Variants in SNX27 observed in about 807,000 individuals in gnomAD.
The protein encoded by SNX27 is sorting nexin 27, also known as sorting nexin-27.
Under a neutral mutation model 71.6 loss-of-function variants are expected in SNX27, and 22 were observed. The ratio of observed to expected loss-of-function variants is 0.31; its 90% CI spans 0.22 to 0.44. The LOEUF is 0.44. Ranked by LOEUF, SNX27 falls within the 20% of genes least tolerant of loss-of-function variation. The pLI is 1.00. For missense variants in SNX27, 531 were observed against 698.6 expected (o/e 0.76, Z 2.70); for synonymous variants, 269 against 277.2 (o/e 0.97, Z 0.29).
intron 2 of SNX27, among the ~76,000 whole-genome samples, chr1:151,656,667 G>A (rs1322621806): frequency 1.3e-5 from 2 of 152,160 alleles, no homozygotes; most frequent in Admixed American, 6.6e-5. Context: ...TTATACAAAT[G>A]TCAATGGCAG....
rs528683974 is a variant in SNX27, at chr1:151,679,300, A to C, written c.1150-4056A>C. The C allele has an allele frequency of 6.6e-5, 10 of 152,372 alleles. No homozygotes were observed. In the East Asian group the frequency reaches 1.9e-3, roughly 29 times the overall value. The allele number at this position is 152,372 out of a possible 1,614,324, so 9.4% of individuals were successfully genotyped here. On this transcript the variant is annotated intron_variant, in intron 7 of 11. Coordinates refer to ENST00000458013, the MANE Select transcript of SNX27 (RefSeq NM_001330723.2). ...TTCAGAAATGTTAAAATATGAAATA[A>C]TGTATTCATTTAAATTGATGAGATA... is the stretch of plus-strand genomic sequence containing the variant.
intron 7 of SNX27, 71 bp downstream of exon 7, chr1:151,668,706 T>A: frequency 7.1e-7 from 1 of 1,410,816 alleles, no homozygotes; most frequent in Non-Finnish European, 9.6e-7. Context: ...CTTTGCCAAT[T>A]CCCTGTAAAT....
intron 1 of SNX27, among the ~76,000 whole-genome samples, chr1:151,636,034 A>T (rs949918604): frequency 2.0e-5 from 3 of 152,002 alleles, no homozygotes; most frequent in Non-Finnish European, 4.4e-5. Context: ...GAGTTTATAT[A>T]CTCCTTTTTG....
chr1:151,683,518 T>C, intron 8 of SNX27, 73 bp downstream of exon 8: 2 of 1,156,380 alleles, frequency 1.7e-6, no homozygotes, highest in Non-Finnish European at 2.5e-6. Context: ...CTAGTCATTT[T>C]TGAAAGGATT....
rs1671826477 is a variant in SNX27 at position 151,697,574 on chromosome 1, CCTT to C, written c.*3163_*3165del. 1 of 152,726 alleles carries C rather than the reference CCTT, an allele frequency of 6.5e-6. No individual in the cohort carries two copies. The highest frequency in any genetic ancestry group is 2.4e-5 in the African/African-American group (1 of 41,434). The allele number at this position is 152,726 out of a possible 1,614,324, so 9.5% of individuals were successfully genotyped here. On this transcript the variant is annotated 3_prime_UTR_variant, in exon 12 of 12. Transcript: ENST00000458013. ...AAGGAGGGCACCCCAAAGGACAGCG[CCTT>C]CTTCTCTTCCACCCATGCACGGCCT... is the stretch of plus-strand genomic sequence containing the variant.
intron 3 of SNX27, chr1:151,660,070 G>T (rs947857574): frequency 6.6e-6 from 1 of 152,162 alleles, no homozygotes; most frequent in African/African-American, 2.4e-5. Flanking sequence ...TCTGAACAAA[G>T]CCCTTGGGAA....
At position 151,697,939 on chromosome 1, in the gene SNX27, T is replaced by G. The variant is rs777731229; in HGVS notation, c.*3522T>G. On this transcript the variant is annotated 3_prime_UTR_variant, in exon 12 of 12. Transcript: ENST00000458013. ...GCTTTTTATGGCCCAGGAGAAAATG[T>G]AGACCCTGAGAAACCTGTCCCTGCA... The G allele has an allele frequency of 6.6e-6, 1 of 152,258 alleles. No individual in the cohort carries two copies. Among genetic ancestry groups the G allele is most frequent in the African/African-American group, 2.4e-5 (1 of 41,432 alleles). 9.4% of individuals were successfully genotyped at this position (152,258 alleles called of 1,614,324 possible).
chr1:151,664,519 A>G (rs1011827867), intron 5 of SNX27, among the ~76,000 whole-genome samples: 6 of 152,044 alleles, frequency 3.9e-5, no homozygotes, highest in Non-Finnish European at 7.4e-5. Flanking sequence ...GAGAAACTGT[A>G]TTTAGAGATC....
rs11333472 is a variant in SNX27 at position 151,636,666 on chromosome 1, TAA to T, written c.312-2199_312-2198del. On this transcript the variant is annotated intron_variant, in intron 1 of 11. Transcript: ENST00000458013. The stretch of plus-strand genomic sequence containing the variant: ...AAGGTGTCAGCTTTTTCCACTTTTG[TAA>T]AAAAAAAAAAAAAAAAAAAAAAGGA... 6.3e-3 allele frequency among the ~76,000 whole-genome samples: 610 copies of T among 97,544 alleles called. 7 individuals are homozygous for T. The highest frequency in any genetic ancestry group is 0.018 in the Middle Eastern group (3 of 168). The allele number at this position is 97,544 out of a possible 152,430, so 64.0% of individuals were successfully genotyped here. A position where few individuals can be genotyped will look rare whatever the true frequency, so the allele number is the denominator to read the frequency against.
rs1379459656 is a variant in SNX27 at position 151,658,227 on chromosome 1, T to G, written c.544-8T>G. 1 of 1,588,702 alleles carries G rather than the reference T, an allele frequency of 6.3e-7. No individual in the cohort carries two copies. The highest frequency in any genetic ancestry group is 2.2e-5 in the East Asian group (1 of 44,634). On this transcript the variant is annotated splice_polypyrimidine_tract_variant and splice_region_variant and intron_variant, in intron 2 of 11. Coordinates refer to ENST00000458013, the MANE Select transcript of SNX27 (RefSeq NM_001330723.2). Reference sequence around the variant, plus strand: ...GTATGCTTTTCTTTTGTTCTTCTCCTTCACCAGGTATATAATGTTTACATG... The same window carrying G: ...GTATGCTTTTCTTTTGTTCTTCTCCGTCACCAGGTATATAATGTTTACATG...
intron 2 of SNX27, among the ~76,000 whole-genome samples, chr1:151,652,471 T>C (rs1669458780): frequency 6.7e-6 from 1 of 148,172 alleles, no homozygotes; most frequent in South Asian, 2.2e-4. Flanking sequence ...TGCAGTGGTG[T>C]GATCTCGGCT....
intron 2 of SNX27, among the ~76,000 whole-genome samples, chr1:151,645,156 T>A (rs1174452249): frequency 2.6e-5 from 4 of 152,204 alleles, no homozygotes; most frequent in Non-Finnish European, 5.9e-5. Flanking sequence ...CACAGCAACC[T>A]GTGTTGAAAA....
chr1:151,634,299 G>A (rs1243121281), intron 1 of SNX27, among the ~76,000 whole-genome samples: 2 of 152,012 alleles, frequency 1.3e-5, no homozygotes, highest in South Asian at 2.1e-4. Flanking sequence ...TATTACTTTC[G>A]TGCATGTCAC....
At chr1:151,663,061 C>T (rs1393918179) in intron 5 of SNX27, among the ~76,000 whole-genome samples, 2 of 152,046 alleles carry the variant, frequency 1.3e-5, no homozygotes, top group Non-Finnish European at 1.5e-5. Context: ...ATAACTACTC[C>T]ATAGTCACAT....
At chr1:151,661,010 T>C (rs1669943411) in intron 4 of SNX27, 148 bp downstream of exon 4, 4 of 621,040 alleles carry the variant, frequency 6.4e-6, no homozygotes, top group Admixed American at 2.6e-5. Flanking sequence ...ATCCTACTTA[T>C]CTATCCTTTA....
At chr1:151,655,994 C>T (rs1297079911) in intron 2 of SNX27, among the ~76,000 whole-genome samples, 3 of 152,020 alleles carry the variant, frequency 2.0e-5, no homozygotes, top group South Asian at 4.2e-4. Flanking sequence ...GAGGCCGAGG[C>T]GGGTGGATCA....
chr1:151,677,156 GTATC>G (rs1446714953), intron 7 of SNX27: 4 of 151,880 alleles, frequency 2.6e-5, no homozygotes, highest in African/African-American at 9.7e-5. Flanking sequence ...ACTTTATAAA[GTATC>G]TATCCTATTA....
chr1:151,640,018 C>G (rs777669261), intron 2 of SNX27, among the ~76,000 whole-genome samples: 1 of 152,112 alleles, frequency 6.6e-6, no homozygotes, highest in Admixed American at 6.5e-5. Flanking sequence ...TGCATAGGAA[C>G]GAGCTACTAA....
At chr1:151,649,640 G>A (rs1274359290) in intron 2 of SNX27, among the ~76,000 whole-genome samples, 1 of 152,122 alleles carries the variant, frequency 6.6e-6, no homozygotes, top group Non-Finnish European at 1.5e-5. Flanking sequence ...TGAGAAGCCT[G>A]CTTGTTTTAT....
Sources: allele counts gnomAD v4.1 joint callset (sites outside exome capture counted in the v4.1 genomes callset), GRCh38; gene constraint gnomAD v4.1.1; transcripts MANE v1.5; gene names NCBI Gene and HGNC (gene_info 2026-07-23, HGNC 2026-07-21).